The following GALNTL6 variants were observed in gnomAD, a reference collection of about 807,000 sequenced individuals.
GALNTL6 encodes the protein polypeptide N-acetylgalactosaminyltransferase like 6, also known as polypeptide N-acetylgalactosaminyltransferase-like 6.
GALNTL6 carries 46 observed loss-of-function variants against 73.7 expected under a neutral mutation model. The ratio of observed to expected loss-of-function variants is 0.62; its 90% confidence interval spans 0.49 to 0.80. GALNTL6 has a LOEUF of 0.80. GALNTL6 is among the 30% of genes least tolerant of loss of function. The pLI, the probability that GALNTL6 is intolerant of heterozygous loss-of-function variation, is 0.00. For synonymous variants in GALNTL6, 259 were observed against 263.7 expected, an observed-to-expected ratio of 0.98 and a Z score of 0.17; for missense variants, 604 against 755.0, an observed-to-expected ratio of 0.80 and a Z score of 2.34.
At chr4:172,774,059 C>T (rs1738929491) in intron 5 of GALNTL6, among the ~76,000 whole-genome samples, 2 of 152,114 alleles carry the variant, frequency 1.3e-5, no homozygotes, top group Admixed American at 1.3e-4. Context: ...AGTTCAAGAT[C>T]CTCTTTTGGT....
At chr4:172,595,729 A>C (rs1474155697) in intron 5 of GALNTL6, among the ~76,000 whole-genome samples, 1 of 152,156 alleles carries the variant, frequency 6.6e-6, no homozygotes, top group Non-Finnish European at 1.5e-5. Context: ...AATCAGCATT[A>C]TTATCTTGGA....
chr4:171,997,878 G>A (rs886317720), intron 2 of GALNTL6, among the ~76,000 whole-genome samples: 42 of 152,086 alleles, frequency 2.8e-4, no homozygotes, highest in African/African-American at 8.0e-4. Context: ...AGTTAGGAAC[G>A]TGTTTCCACA....
intron 5 of GALNTL6, among the ~76,000 whole-genome samples, chr4:172,466,393 T>C (rs115155619): frequency 1.8e-3 from 280 of 152,286 alleles, no homozygotes; most frequent in Non-Finnish European, 3.4e-3. Flanking sequence ...GGAAAAGTAA[T>C]ACCTAACGAA....
At chr4:172,078,205 G>A (rs537180409) in intron 2 of GALNTL6, among the ~76,000 whole-genome samples, 1 of 152,296 alleles carries the variant, frequency 6.6e-6, no homozygotes, top group Admixed American at 6.5e-5. Context: ...ATGTGGAAGT[G>A]ATTGGAACAT....
intron 11 of GALNTL6, among the ~76,000 whole-genome samples, chr4:173,009,968 C>T (rs1304100708): frequency 6.6e-6 from 1 of 152,068 alleles, no homozygotes; most frequent in African/African-American, 2.4e-5. Context: ...AAATGGTGTC[C>T]ATCCCCTCAA....
At chr4:172,065,656 A>T (rs1221314415) in intron 2 of GALNTL6, among the ~76,000 whole-genome samples, 4 of 152,144 alleles carry the variant, frequency 2.6e-5, no homozygotes, top group Non-Finnish European at 5.9e-5. Flanking sequence ...CTTTCTCCAC[A>T]TAATACCTAA....
At chr4:172,238,681 T>C (rs1462907207) in intron 3 of GALNTL6, among the ~76,000 whole-genome samples, 1 of 152,158 alleles carries the variant, frequency 6.6e-6, no homozygotes, top group Non-Finnish European at 1.5e-5. Context: ...CTTGTGCCAG[T>C]TTTCAAGGGT....
chr4:172,170,199 T>C (rs1734765781), intron 2 of GALNTL6, among the ~76,000 whole-genome samples: 1 of 152,192 alleles, frequency 6.6e-6, no homozygotes, highest in African/African-American at 2.4e-5. Context: ...AATCTCATCT[T>C]GAATTGTAAT....
At chr4:171,915,270 A>G (rs765888888) in intron 2 of GALNTL6, among the ~76,000 whole-genome samples, 3 of 152,320 alleles carry the variant, frequency 2.0e-5, no homozygotes, top group East Asian at 3.9e-4. Flanking sequence ...TAGAATTTCT[A>G]ATTAGGCCTA....
At chr4:172,619,218 A>G (rs1738859647) in intron 5 of GALNTL6, among the ~76,000 whole-genome samples, 1 of 152,144 alleles carries the variant, frequency 6.6e-6, no homozygotes, top group Non-Finnish European at 1.5e-5. Context: ...GGTGGGAAGG[A>G]AAAGATTCCT....
chr4:172,380,361 A>G (rs1743235119), intron 5 of GALNTL6: 2 of 694,810 alleles, frequency 2.9e-6, no homozygotes, highest in South Asian at 1.4e-5. Context: ...TGGGAATCCC[A>G]GGGACTGGCA....
chr4:172,196,441 T>C (rs1735775162), intron 2 of GALNTL6, among the ~76,000 whole-genome samples: 1 of 152,192 alleles, frequency 6.6e-6, no homozygotes, highest in South Asian at 2.1e-4. Flanking sequence ...CCCTAATTCA[T>C]TTTATGGGGC....
intron 5 of GALNTL6, among the ~76,000 whole-genome samples, chr4:172,481,514 T>C (rs1733473085): frequency 6.7e-6 from 1 of 149,758 alleles, no homozygotes; most frequent in African/African-American, 2.5e-5. Context: ...AGAGAGCTGA[T>C]TGGTCCATTT....
In GALNTL6 at chr4:172,070,536, T is replaced by A. The variant is rs1731512430; in HGVS notation, c.139-159120T>A. 1.8e-5 allele frequency among the ~76,000 whole-genome samples: 2 copies of A among 109,424 alleles called. 1 individual carries two copies. 71.8% of individuals were successfully genotyped at this position (109,424 alleles called of 152,430 possible). On this transcript the variant is annotated intron_variant, in intron 2 of 12. Coordinates refer to ENST00000506823, the MANE Select transcript of GALNTL6 (RefSeq NM_001034845.3). ...GAGTTTGTTATATAAGCCAGCTCTG[T>A]CTGGCTCTCTTTCTCTTGCCTATTT...
intron 3 of GALNTL6, among the ~76,000 whole-genome samples, chr4:172,253,123 A>G (rs536912644): frequency 3.3e-5 from 5 of 152,080 alleles, no homozygotes; most frequent in South Asian, 4.2e-4. Context: ...GCATTATTTT[A>G]TTTTTTATTA....
chr4:172,869,518 G>A (rs948991365), intron 7 of GALNTL6, among the ~76,000 whole-genome samples: 2 of 152,174 alleles, frequency 1.3e-5, no homozygotes, highest in Admixed American at 6.5e-5. Context: ...ATTTCTCCAC[G>A]AGAAAAGCGG....
chr4:172,792,920 A>G (rs999427020), intron 5 of GALNTL6, among the ~76,000 whole-genome samples: 1 of 151,952 alleles, frequency 6.6e-6, no homozygotes, highest in Admixed American at 6.6e-5. Context: ...AGAATTTTGT[A>G]TGTCTCTAAC....
intron 2 of GALNTL6, among the ~76,000 whole-genome samples, chr4:172,187,464 T>C (rs1735448103): frequency 6.6e-6 from 1 of 152,092 alleles, no homozygotes; most frequent in South Asian, 2.1e-4. Flanking sequence ...TCAAAATAGC[T>C]CAAATTCATT....
At chr4:173,027,273 G>A (rs867332137) in intron 12 of GALNTL6, among the ~76,000 whole-genome samples, 7 of 152,144 alleles carry the variant, frequency 4.6e-5, no homozygotes, top group Admixed American at 1.3e-4. Flanking sequence ...GTGAGCCACC[G>A]CGCCCAGCCC....
Sources: allele counts gnomAD v4.1 joint callset (sites outside exome capture counted in the v4.1 genomes callset), GRCh38; gene constraint gnomAD v4.1.1; transcripts MANE v1.5; gene names NCBI Gene and HGNC (gene_info 2026-07-23, HGNC 2026-07-21).